The following FERRY3 variants were observed in gnomAD, a reference collection of about 807,000 sequenced individuals.
FERRY3 encodes FERRY endosomal RAB5 effector complex subunit 3.
At chr12:4,534,368 G>A in the FERRY3 span, 1 of 1,462,826 alleles carries the variant, frequency 6.8e-7, no homozygotes, top group Non-Finnish European at 9.1e-7. Context: ...CATTTTACTT[G>A]GCTGAGAATT....
chr12:4,532,852 C>T, the FERRY3 span, among the ~76,000 whole-genome samples: 1 of 152,092 alleles, frequency 6.6e-6, no homozygotes, highest in Non-Finnish European at 1.5e-5. Context: ...CTTATATTAC[C>T]CACCTAACAA....
chr12:4,491,779 C>T, the FERRY3 span, among the ~76,000 whole-genome samples: 36 of 152,264 alleles, frequency 2.4e-4, no homozygotes, highest in East Asian at 3.3e-3. Context: ...GTATGATTAG[C>T]GCGTATGCCA....
At chr12:4,522,233 A>G in the FERRY3 span, among the ~76,000 whole-genome samples, 1 of 152,224 alleles carries the variant, frequency 6.6e-6, no homozygotes, top group South Asian at 2.1e-4. Flanking sequence ...TAAAGTCTTT[A>G]ACTGATAAAC....
the FERRY3 span, chr12:4,536,325 G>A: frequency 1.8e-6 from 1 of 566,234 alleles, no homozygotes; most frequent in East Asian, 3.5e-5. Flanking sequence ...TTGTCTATGA[G>A]CCAATTATTC....
the FERRY3 span, among the ~76,000 whole-genome samples, chr12:4,503,216 TGGG>T: frequency 6.6e-6 from 1 of 152,122 alleles, no homozygotes; most frequent in Non-Finnish European, 1.5e-5. Context: ...ATTAATAAAA[TGGG>T]GGCCATGGGG....
the FERRY3 span, chr12:4,525,209 T>TAACA: frequency 6.3e-7 from 1 of 1,581,292 alleles, no homozygotes; most frequent in Non-Finnish European, 8.6e-7. Flanking sequence ...TAAACATTAC[T>TAACA]AACAATGGAC....
the FERRY3 span, among the ~76,000 whole-genome samples, chr12:4,497,828 T>A: frequency 6.6e-6 from 1 of 152,232 alleles, no homozygotes. Flanking sequence ...GTTTCAGTCA[T>A]CTTCATTTTC....
At chr12:4,536,607 A>T in the FERRY3 span, among the ~76,000 whole-genome samples, 2 of 152,216 alleles carry the variant, frequency 1.3e-5, no homozygotes, top group African/African-American at 2.4e-5. Flanking sequence ...GAAGCAGATC[A>T]GGGACCAAGG....
the FERRY3 span, among the ~76,000 whole-genome samples, chr12:4,519,361 C>T: frequency 1.3e-5 from 2 of 152,116 alleles, no homozygotes; most frequent in Admixed American, 1.3e-4. The surrounding 1 kb of genome is among the most constrained non-coding windows in gnomAD (Gnocchi z 4.3). Flanking sequence ...TTTACTTTTA[C>T]CATTTCTTGT....
At chr12:4,500,152 G>A in the FERRY3 span, 3 of 1,613,158 alleles carry the variant, frequency 1.9e-6, no homozygotes, top group Admixed American at 1.7e-5. Context: ...GACATATCAT[G>A]TACCAGCAAG....
At chr12:4,529,065 G>C in the FERRY3 span, among the ~76,000 whole-genome samples, 21 of 151,972 alleles carry the variant, frequency 1.4e-4, no homozygotes, top group Non-Finnish European at 2.6e-4. Flanking sequence ...ATTAGATTCT[G>C]CTAAATTACA....
the FERRY3 span, among the ~76,000 whole-genome samples, chr12:4,515,604 T>C: frequency 6.6e-6 from 1 of 151,698 alleles, no homozygotes; most frequent in Non-Finnish European, 1.5e-5. Flanking sequence ...GAACCTAAAA[T>C]AGTTGAACTC....
chr12:4,536,313 T>G, the FERRY3 span: 1 of 655,824 alleles, frequency 1.5e-6, no homozygotes, highest in Non-Finnish European at 2.3e-6. Flanking sequence ...ATTCAAGAGA[T>G]TTTGTCTATG....
chr12:4,496,289 T>C, the FERRY3 span, among the ~76,000 whole-genome samples: 1 of 152,210 alleles, frequency 6.6e-6, no homozygotes, highest in African/African-American at 2.4e-5. Context: ...GAATGACTTA[T>C]TCAATGTCAC....
the FERRY3 span, among the ~76,000 whole-genome samples, chr12:4,522,678 A>C: frequency 2.0e-5 from 3 of 152,386 alleles, no homozygotes; most frequent in East Asian, 5.8e-4. Flanking sequence ...GAGGGATTGC[A>C]TATTTATGAA....
chr12:4,527,622 C>T, the FERRY3 span, among the ~76,000 whole-genome samples: 120 of 152,160 alleles, frequency 7.9e-4, 1 homozygote, highest in Admixed American at 1.7e-3. Context: ...ACCAAAATTT[C>T]GGGTCAACCT....
the FERRY3 span, among the ~76,000 whole-genome samples, chr12:4,503,289 G>A: frequency 2.0e-5 from 3 of 152,154 alleles, no homozygotes; most frequent in Non-Finnish European, 2.9e-5. Flanking sequence ...TGGATGTTAA[G>A]AAGATGTGAT....
At chr12:4,537,856 C>T in the FERRY3 span, among the ~76,000 whole-genome samples, 2 of 152,184 alleles carry the variant, frequency 1.3e-5, no homozygotes, top group African/African-American at 4.8e-5. Context: ...TACACACACA[C>T]GCATATGTTC....
the FERRY3 span, chr12:4,489,909 GA>G: frequency 2.0e-6 from 3 of 1,513,738 alleles, no homozygotes; most frequent in Non-Finnish European, 2.7e-6. Context: ...TCTGTAAGAC[GA>G]AAAAATAATA....
Sources: gnomAD v4.1 joint callset for allele counts (sites outside exome capture counted in the v4.1 genomes callset) on GRCh38, gnomAD v4.1.1 for gene constraint, Gnocchi (gnomAD v3.1) non-coding constraint, MANE v1.5 for transcripts, NCBI Gene and HGNC (gene_info 2026-07-23, HGNC 2026-07-21) for gene names.